The following ADCY2 variants were observed in gnomAD, a reference collection of about 807,000 sequenced individuals.
ADCY2 encodes the protein adenylate cyclase 2, also known as adenylate cyclase type 2.
A neutral mutation model predicts 125.2 loss-of-function variants in ADCY2; 31 were observed. The ratio of observed to expected loss-of-function variants is 0.25; its 90% CI spans 0.19 to 0.33. The LOEUF (loss-of-function observed/expected upper bound fraction) is 0.33. ADCY2 is among the 10% of genes least tolerant of loss of function. ADCY2 has a pLI of 1.00. For synonymous variants in ADCY2, 512 were observed against 548.4 expected (o/e 0.93, Z 0.93); for missense variants, 904 against 1,418.2 (o/e 0.64, Z 5.82).
At chr5:7,734,659 C>T (rs1480781167) in intron 14 of ADCY2, among the ~76,000 whole-genome samples, 1 of 152,174 alleles carries the variant, frequency 6.6e-6, no homozygotes, top group Non-Finnish European at 1.5e-5. Context: ...TGGACCTGAA[C>T]ATGCTTTTGA....
rs1256823687 is a variant in ADCY2 at position 7,749,784 on chromosome 5, A to G, written c.1956+6032A>G. The stretch of plus-strand genomic sequence containing the variant: ...GAGATAATACGATGCCAGCCCACCA[A>G]CGTTCTTCCAGGCAGAGATAAAAGC... On this transcript the variant is annotated intron_variant, in intron 15 of 24. Coordinates refer to ENST00000338316, the MANE Select transcript of ADCY2 (RefSeq NM_020546.3). The G allele has an allele frequency of 2.0e-5, 3 of 152,280 alleles. No homozygotes were observed. The East Asian group carries it at 5.8e-4, about 29-fold the overall frequency. 9.4% of individuals were successfully genotyped at this position (152,280 alleles called of 1,614,324 possible). A position where few individuals can be genotyped will look rare whatever the true frequency, so the allele number is the denominator to read the frequency against.
At chr5:7,407,888 A>C (rs1236280827) in intron 1 of ADCY2, among the ~76,000 whole-genome samples, 1 of 114,294 alleles carries the variant, frequency 8.7e-6, no homozygotes, top group East Asian at 2.4e-4. Flanking sequence ...TTTTTTTTTG[A>C]GACAGAGTCT....
intron 24 of ADCY2, among the ~76,000 whole-genome samples, chr5:7,822,729 T>A (rs958136146): frequency 1.4e-3 from 45 of 31,252 alleles, no homozygotes; most frequent in African/African-American, 4.0e-3. Context: ...TACATGCATG[T>A]GTGTGTGTGT....
chr5:7,541,018 C>G (rs1187134927), intron 3 of ADCY2, among the ~76,000 whole-genome samples: 1 of 152,148 alleles, frequency 6.6e-6, no homozygotes, highest in Non-Finnish European at 1.5e-5. Flanking sequence ...AATGGCCCGC[C>G]TATAGTCAAC....
rs1745557831 is a variant in ADCY2 at position 7,828,600 on chromosome 5, T to C, written c.*1729T>C. On this transcript the variant is annotated 3_prime_UTR_variant, in exon 25 of 25. Coordinates refer to ENST00000338316, the MANE Select transcript of ADCY2 (RefSeq NM_020546.3). Reference sequence around the variant, plus strand: ...TGTGAGTAGAGCATGACTTATTTAGTATTCTGCCTCAATGGGGAATTTTTT... The same window carrying C: ...TGTGAGTAGAGCATGACTTATTTAGCATTCTGCCTCAATGGGGAATTTTTT... 6.6e-6 allele frequency: 1 copy of C among 152,338 alleles called. No individual in the cohort carries two copies. The highest frequency in any genetic ancestry group is 2.1e-4 in the South Asian group (1 of 4,820). The allele number at this position is 152,338 out of a possible 1,614,324, so 9.4% of individuals were successfully genotyped here.
At chr5:7,482,767 G>GATATATATATATATATATATATATATAT (rs140354609) in intron 2 of ADCY2, among the ~76,000 whole-genome samples, 1 of 119,438 alleles carries the variant, frequency 8.4e-6, no homozygotes, top group African/African-American at 3.2e-5. Context: ...AAGAAAATGT[G>GATATATATATATATATATATATATATAT]ATATATATAT....
chr5:7,636,604 T>C (rs1360005079), intron 4 of ADCY2, among the ~76,000 whole-genome samples: 4 of 152,180 alleles, frequency 2.6e-5, no homozygotes, highest in Non-Finnish European at 4.4e-5. Flanking sequence ...AGGCTTTGCA[T>C]GAGTAAGACC....
intron 2 of ADCY2, among the ~76,000 whole-genome samples, chr5:7,462,947 C>T (rs1741966787): frequency 6.6e-6 from 1 of 152,022 alleles, no homozygotes; most frequent in Non-Finnish European, 1.5e-5. Context: ...ATGCAGCAAG[C>T]CTGAAAGGAG....
intron 3 of ADCY2, among the ~76,000 whole-genome samples, chr5:7,538,595 C>T (rs1200046671): frequency 6.6e-6 from 1 of 151,982 alleles, no homozygotes; most frequent in African/African-American, 2.4e-5. Context: ...TGAGTTTTCT[C>T]ATTTAAACTT....
intron 2 of ADCY2, among the ~76,000 whole-genome samples, chr5:7,426,797 G>A (rs1199926628): frequency 1.3e-5 from 2 of 152,078 alleles, no homozygotes; most frequent in Non-Finnish European, 2.9e-5. Context: ...CCTCTGTAAC[G>A]GCTTTGAGGT....
intron 3 of ADCY2, among the ~76,000 whole-genome samples, chr5:7,527,275 C>T (rs1402644100): frequency 6.6e-6 from 1 of 152,174 alleles, no homozygotes; most frequent in Non-Finnish European, 1.5e-5. Context: ...CAGCCCAAAG[C>T]TTGTGCGTGT....
chr5:7,672,025 C>G (rs142543238), intron 4 of ADCY2, among the ~76,000 whole-genome samples: 8 of 152,168 alleles, frequency 5.3e-5, no homozygotes, highest in Admixed American at 2.6e-4. Flanking sequence ...TGGCTGCTAT[C>G]TCAGTAGCAA....
chr5:7,562,481 G>A (rs1735735845), intron 3 of ADCY2, among the ~76,000 whole-genome samples: 3 of 151,992 alleles, frequency 2.0e-5, no homozygotes. Flanking sequence ...ATTGTTTAGG[G>A]CCATTGTTGT....
chr5:7,755,896 T>C (rs1402846677), intron 15 of ADCY2, among the ~76,000 whole-genome samples: 1 of 152,246 alleles, frequency 6.6e-6, no homozygotes, highest in Non-Finnish European at 1.5e-5. Context: ...ATTTGTGCTG[T>C]TCAGGAATAT....
intron 20 of ADCY2, chr5:7,798,808 C>G (rs923528745): frequency 2.0e-5 from 3 of 152,130 alleles, no homozygotes; most frequent in African/African-American, 7.2e-5. Flanking sequence ...ACCTCCTGAT[C>G]TGCCTACCTC....
At chr5:7,454,106 G>A (rs1210259994) in intron 2 of ADCY2, among the ~76,000 whole-genome samples, 1 of 152,120 alleles carries the variant, frequency 6.6e-6, no homozygotes, top group East Asian at 1.9e-4. Flanking sequence ...TTCTAGTTGG[G>A]TGGGGGGTGC....
intron 15 of ADCY2, 53 bp from the exon 16 acceptor site, chr5:7,757,396 G>C: frequency 4.4e-6 from 7 of 1,591,360 alleles, no homozygotes; most frequent in Non-Finnish European, 6.0e-6. Context: ...CAAGAAACTG[G>C]AGAGAAGTCA....
chr5:7,784,767 C>A, intron 19 of ADCY2, among the ~76,000 whole-genome samples: 2 of 145,306 alleles, frequency 1.4e-5, no homozygotes, highest in African/African-American at 2.5e-5. Context: ...ATAACTGACA[C>A]TATTTGAAAA....
At chr5:7,582,106 T>C (rs976037939) in intron 3 of ADCY2, among the ~76,000 whole-genome samples, 2 of 152,144 alleles carry the variant, frequency 1.3e-5, no homozygotes, top group Admixed American at 1.3e-4. Context: ...ACAGGCACTG[T>C]AAGGTTGGAG....
Sources: allele counts gnomAD v4.1 joint callset (sites outside exome capture counted in the v4.1 genomes callset), GRCh38; gene constraint gnomAD v4.1.1; transcripts MANE v1.5; gene names NCBI Gene and HGNC (gene_info 2026-07-23, HGNC 2026-07-21).